The following CSE1L variants were observed in gnomAD, a reference collection of about 807,000 sequenced individuals.
CSE1L encodes the protein exportin-2.
CSE1L carries 24 observed loss-of-function variants against 120.4 expected under a neutral mutation model. That is an observed-to-expected ratio of 0.20 (90% CI 0.14 to 0.28). The LOEUF (loss-of-function observed/expected upper bound fraction) is 0.28. Ranked by LOEUF, CSE1L falls within the 10% of genes least tolerant of loss-of-function variation. CSE1L has a pLI of 1.00. For missense variants in CSE1L, 830 were observed against 1,145.2 expected (o/e 0.72, Z 3.97); for synonymous variants, 402 against 398.3 (o/e 1.01, Z -0.11).
chr20:49,053,533 T>A (rs932293148), intron 1 of CSE1L, among the ~76,000 whole-genome samples: 1 of 151,738 alleles, frequency 6.6e-6, no homozygotes, highest in African/African-American at 2.4e-5. Flanking sequence ...TAATTTTTAG[T>A]AGAGACGGGG....
At chr20:49,082,721 C>T (rs917829067) in intron 14 of CSE1L, among the ~76,000 whole-genome samples, 4 of 151,814 alleles carry the variant, frequency 2.6e-5, no homozygotes, top group South Asian at 2.1e-4. Context: ...CGGGGTTTCA[C>T]TGTGTTAGCC....
intron 7 of CSE1L, among the ~76,000 whole-genome samples, 184 bp from the exon 8 acceptor site, chr20:49,070,021 C>G (rs1290829387): frequency 1.3e-5 from 2 of 152,148 alleles, no homozygotes; most frequent in Non-Finnish European, 2.9e-5. Flanking sequence ...CAAACAGAGG[C>G]AGAAGTCAGA....
chr20:49,084,799 T>TCTA (rs971986320), intron 15 of CSE1L, among the ~76,000 whole-genome samples: 1 of 151,620 alleles, frequency 6.6e-6, no homozygotes, highest in African/African-American at 2.4e-5. Context: ...GGAAAACAGT[T>TCTA]CTAGGTTCTT....
intron 1 of CSE1L, among the ~76,000 whole-genome samples, chr20:49,047,301 A>G (rs970779463): frequency 6.6e-6 from 1 of 152,086 alleles, no homozygotes; most frequent in African/African-American, 2.4e-5. Flanking sequence ...TGAGTTATTT[A>G]CCGTGGTTTA....
intron 2 of CSE1L, among the ~76,000 whole-genome samples, chr20:49,058,835 A>G (rs1380039372): frequency 1.3e-5 from 2 of 152,142 alleles, no homozygotes; most frequent in Non-Finnish European, 2.9e-5. Context: ...ACCCACTTAA[A>G]ACATGCCTGC....
intron 14 of CSE1L, among the ~76,000 whole-genome samples, chr20:49,080,806 C>CT (rs2092006496): frequency 6.6e-6 from 1 of 152,088 alleles, no homozygotes; most frequent in South Asian, 2.1e-4. Context: ...CAAAGTCTTA[C>CT]AGTCTGTTGG....
At chr20:49,069,356 T>C (rs1468639727) in intron 7 of CSE1L, among the ~76,000 whole-genome samples, 1 of 152,202 alleles carries the variant, frequency 6.6e-6, no homozygotes, top group African/African-American at 2.4e-5. Flanking sequence ...GCTACTGAGA[T>C]AGTGGCCTCC....
chr20:49,059,754 C>A (rs754453103), intron 2 of CSE1L, among the ~76,000 whole-genome samples: 10 of 152,002 alleles, frequency 6.6e-5, no homozygotes, highest in Non-Finnish European at 1.0e-4. Flanking sequence ...GTGGCACACA[C>A]CTGTAGTCCC....
chr20:49,065,809 G>T (rs1033002313), intron 3 of CSE1L, among the ~76,000 whole-genome samples: 10 of 152,004 alleles, frequency 6.6e-5, no homozygotes, highest in Non-Finnish European at 1.5e-4. Flanking sequence ...GGCCAGGCTG[G>T]TCTCAAACTC....
chr20:49,089,471 G>C lies in CSE1L; in HGVS notation c.1973-67G>C, dbSNP rs45549039. On this transcript the variant is annotated intron_variant, in intron 18 of 24. Transcript: ENST00000262982. ...GCTATAAAATGCAGCCCACCTAAGC[G>C]ATGTGGGCCTTTTGTGTCAGTCATT... 2.3e-3 allele frequency: 3,682 copies of C among 1,594,848 alleles called. 8 individuals carry two copies. Among genetic ancestry groups the C allele is most frequent in the Non-Finnish European group, 2.9e-3 (3,377 of 1,163,400 alleles).
chr20:49,086,942 G>A (rs1483459659), intron 16 of CSE1L, among the ~76,000 whole-genome samples: 1 of 152,148 alleles, frequency 6.6e-6, no homozygotes, highest in African/African-American at 2.4e-5. Context: ...GTTGAAGGGT[G>A]GATGAGTCTT....
In CSE1L at chr20:49,074,795, A is replaced by T. The variant is rs1047655193; in HGVS notation, c.1077A>T (p.Glu359Asp). The change falls in exon 11 of 25, where the codon GAA (glutamate) becomes GAT (aspartate). Residue 359 changes from glutamate (E) to aspartate (D), a missense_variant. Glu to Asp is a conservative substitution (Grantham distance 45). Around this residue, in one of 4 missense-constraint regions of CSE1L, gnomAD observed 543 missense variants for 640.2 expected, o/e 0.85. Transcript: ENST00000262982. The part of the protein sequence containing the change: ...VPNMEFRAAD[E>D]EAFEDNSEEY... ...CATCTCTCCTTGTAGCTGCTGATGA[A>T]GAAGCATTTGAAGATAATTCTGAGG... 7 of 1,612,518 alleles carry T rather than the reference A, an allele frequency of 4.3e-6. No homozygotes were observed. The highest frequency in any genetic ancestry group is 5.9e-6 in the Non-Finnish European group (7 of 1,179,338).
chr20:49,064,922 A>G (rs1038393061), intron 3 of CSE1L, among the ~76,000 whole-genome samples: 1 of 151,786 alleles, frequency 6.6e-6, no homozygotes, highest in Admixed American at 6.6e-5. Context: ...TAGGAGGCTC[A>G]GATGGGAGGA....
intron 1 of CSE1L, among the ~76,000 whole-genome samples, chr20:49,049,682 A>T (rs1425819191): frequency 6.6e-6 from 1 of 152,238 alleles, no homozygotes; most frequent in Non-Finnish European, 1.5e-5. Context: ...TCTCAAATTA[A>T]GGATAAGCTT....
chr20:49,066,927 G>C (rs2091896650), intron 5 of CSE1L, among the ~76,000 whole-genome samples: 1 of 150,222 alleles, frequency 6.7e-6, no homozygotes, highest in African/African-American at 2.5e-5. Flanking sequence ...AGCTACTCAG[G>C]AGGCTGAGAC....
At chr20:49,053,147 CTTTTTTTTTTTT>C (rs71184250) in intron 1 of CSE1L, among the ~76,000 whole-genome samples, 5 of 122,710 alleles carry the variant, frequency 4.1e-5, no homozygotes, top group African/African-American at 1.5e-4. Flanking sequence ...CCCTGTCTCT[CTTTTTTTTTTTT>C]TTTTTTTTTT....
chr20:49,063,148 T>C, intron 2 of CSE1L, 54 bp from the exon 3 acceptor site: 1 of 1,114,436 alleles, frequency 9.0e-7, no homozygotes, highest in Non-Finnish European at 1.2e-6. Flanking sequence ...ATTTGATATA[T>C]ATAAGGTGGA....
At chr20:49,090,427 G>A (rs1335036578) in intron 19 of CSE1L, among the ~76,000 whole-genome samples, 5 of 152,056 alleles carry the variant, frequency 3.3e-5, no homozygotes. Context: ...GTGGTGGCAC[G>A]TGCCTGTAAT....
At position 49,094,950 on chromosome 20, in the gene CSE1L, C is replaced by G; in HGVS notation, c.2813C>G (p.Ala938Gly). 1 of 1,613,884 alleles carries G rather than the reference C, an allele frequency of 6.2e-7. No homozygotes were observed. Among genetic ancestry groups the G allele is most frequent in the Non-Finnish European group, 8.5e-7 (1 of 1,179,858 alleles). ...CAGTCACTTCACAAGTTGTCTACCG[C>G]CTGTCCAGGAAGGGTAAGTGTGTTG... ...LAQSLHKLST[A>G]CPGRVPSMVS... is the part of the protein sequence containing the mutation. Residue 938 changes from alanine (A) to glycine (G), a missense_variant, in exon 24 of 25, where the codon GCC (alanine) becomes GGC (glycine). Ala to Gly is a moderately conservative substitution (Grantham distance 60, BLOSUM62 0). Transcript: ENST00000262982.
Sources: gnomAD v4.1 joint callset for allele counts (sites outside exome capture counted in the v4.1 genomes callset) on GRCh38, gnomAD v4.1.1 for gene constraint, gnomAD v4.1.1 regional missense constraint, MANE v1.5 for transcripts, NCBI Gene and HGNC (gene_info 2026-07-23, HGNC 2026-07-21) for gene names.